Variants in ADD2 observed in about 807,000 individuals in gnomAD.
ADD2 encodes the protein beta-adducin.
In ADD2, 23 loss-of-function variants were observed where a neutral mutation model predicts 83.0. The ratio of observed to expected loss-of-function variants is 0.28; its 90% CI spans 0.20 to 0.39. The LOEUF is 0.39. ADD2 is among the 10% of genes least tolerant of loss of function. ADD2 has a pLI of 1.00. For missense variants in ADD2, 758 were observed against 944.9 expected, an observed-to-expected ratio of 0.80 and a Z score of 2.59; for synonymous variants, 375 against 375.4, an observed-to-expected ratio of 1.00 and a Z score of 0.01.
At chr2:70,678,022 T>G in intron 11 of ADD2, 145 bp from the exon 12 acceptor site, 1 of 1,093,194 alleles carries the variant, frequency 9.1e-7, no homozygotes, top group South Asian at 1.6e-5. Context: ...CTTAGGCCTC[T>G]TTGATGTCTG....
Position 70,676,799 on chromosome 2 carries a change from G to T in ADD2, c.1590C>A (p.Ser530Arg). ...LASVIAEKSRSPSTESQLMSK... is the reference protein window; with the variant it reads ...LASVIAEKSRRPSTESQLMSK... ...TCAGGGGCAGCCTCTGCTCTACCGG[G>T]CTTCGGCTCTTCTCGGCAATGACGC... is the stretch of plus-strand genomic sequence containing the variant. Residue 530 changes from serine (S) to arginine (R), a missense_variant, in exon 13 of 16, where the codon AGC becomes AGA. Physicochemically the swap from Ser to Arg is moderately radical, Grantham distance 110. Around this residue, in one of 5 missense-constraint regions of ADD2, gnomAD observed 394 missense variants for 509.3 expected, o/e 0.77. Transcript: ENST00000264436. This position sits in a 1 kb window ranked among gnomAD's most constrained non-coding sequence, Gnocchi z 4.8. 6.2e-7 allele frequency: 1 copy of T among 1,614,202 alleles called. No individual in the cohort carries two copies. The highest frequency in any genetic ancestry group is 8.5e-7 in the Non-Finnish European group (1 of 1,180,018).
intron 1 of ADD2, among the ~76,000 whole-genome samples, chr2:70,737,777 T>C (rs1673658992): frequency 6.6e-6 from 1 of 152,204 alleles, no homozygotes; most frequent in Admixed American, 6.5e-5. Context: ...AACATTCAAT[T>C]CATCCAAGTC....
At chr2:70,670,495 G>A (rs78331196) in intron 15 of ADD2, among the ~76,000 whole-genome samples, 12,704 of 152,232 alleles carry the variant, frequency 0.083, 560 homozygotes, top group Middle Eastern at 0.12. Flanking sequence ...GCTGGGACAA[G>A]GGTCTGACAG....
chr2:70,765,041 TC>T (rs1553385725), intron 1 of ADD2, among the ~76,000 whole-genome samples: 3 of 151,900 alleles, frequency 2.0e-5, no homozygotes, highest in Non-Finnish European at 4.4e-5. Context: ...AGGAAAAAGT[TC>T]CTTTCTGGTC....
chr2:70,765,811 C>T (rs1675353112), intron 1 of ADD2, among the ~76,000 whole-genome samples: 1 of 152,194 alleles, frequency 6.6e-6, no homozygotes, highest in Admixed American at 6.5e-5. Context: ...TTTATGACTC[C>T]ACCCTTAGTG....
At position 70,658,236 on chromosome 2, in the gene ADD2, C is replaced by T. The variant is rs1424689532; in HGVS notation, c.*5189G>A. On this transcript the variant is annotated 3_prime_UTR_variant, in exon 16 of 16. Transcript: ENST00000264436. Reference sequence around the variant, plus strand: ...CCCACTGAAGTCCCCACACTGCTTCCCGGTGAGCGTGGCTGCTCATTGTGA... The same window carrying T: ...CCCACTGAAGTCCCCACACTGCTTCTCGGTGAGCGTGGCTGCTCATTGTGA... 6.6e-6 allele frequency: 1 copy of T among 152,154 alleles called. No homozygotes were observed. Among genetic ancestry groups the T allele is most frequent in the Non-Finnish European group, 1.5e-5 (1 of 68,042 alleles). The allele number at this position is 152,154 out of a possible 1,614,324, so 9.4% of individuals were successfully genotyped here.
At chr2:70,743,468 G>T (rs1674026158) in intron 1 of ADD2, among the ~76,000 whole-genome samples, 1 of 152,192 alleles carries the variant, frequency 6.6e-6, no homozygotes. Flanking sequence ...TCTCCAGGCT[G>T]CTTTGTATGT....
chr2:70,767,681 G>C (rs782092491), intron 1 of ADD2: 6 of 1,385,130 alleles, frequency 4.3e-6, no homozygotes, highest in Non-Finnish European at 5.6e-6. Context: ...GATTTCCTAA[G>C]AGCCTCGGAT....
Position 70,695,721 on chromosome 2 carries a change from C to T in ADD2, c.555G>A (p.Leu185=). 2 of 1,613,986 alleles carry T rather than the reference C, an allele frequency of 1.2e-6. No individual in the cohort carries two copies. The highest frequency in any genetic ancestry group is 1.7e-6 in the Non-Finnish European group (2 of 1,179,866). ...GGCAGTGATGCTGGACTGTACTCACCAGGCTGGACGCTGTGACTTCACTGC... is the reference window on the plus strand; with the variant it reads ...GGCAGTGATGCTGGACTGTACTCACTAGGCTGGACGCTGTGACTTCACTGC... The part of the protein sequence containing the change: ...VSCSEVTASS[L]IKVNILGEVV... Residue 185 remains leucine, a splice_region_variant and synonymous_variant, in exon 6 of 16, where the codon CTG becomes CTA. Transcript: ENST00000264436.
intron 1 of ADD2, among the ~76,000 whole-genome samples, chr2:70,742,013 C>G (rs905730632): frequency 6.6e-6 from 1 of 152,052 alleles, no homozygotes; most frequent in Non-Finnish European, 1.5e-5. Flanking sequence ...GTTCCAAGAA[C>G]CTGGAAGTTT....
chr2:70,694,823 G>A (rs1473131145), intron 6 of ADD2, among the ~76,000 whole-genome samples: 1 of 151,820 alleles, frequency 6.6e-6, no homozygotes, highest in African/African-American at 2.4e-5. Flanking sequence ...GGAACACTCG[G>A]TAACCCTGAG....
chr2:70,675,417 C>T (rs531467785), intron 13 of ADD2: 43 of 985,616 alleles, frequency 4.4e-5, no homozygotes, highest in African/African-American at 1.0e-4. Flanking sequence ...CTGCCTGTAC[C>T]GCAGGTCCCT....
intron 9 of ADD2, 95 bp from the exon 10 acceptor site, chr2:70,683,862 G>A (rs2104281919): frequency 7.2e-7 from 1 of 1,387,472 alleles, no homozygotes; most frequent in Admixed American, 2.7e-5. Context: ...GGGGAGTCCA[G>A]AGGAGAACTT....
At chr2:70,686,751 G>A (rs1167590697) in intron 9 of ADD2, among the ~76,000 whole-genome samples, 3 of 152,272 alleles carry the variant, frequency 2.0e-5, no homozygotes, top group South Asian at 2.1e-4. Context: ...GGCAGCAGCC[G>A]GAGGCGCTAC....
chr2:70,712,440 T>A (rs1672231255), intron 2 of ADD2, among the ~76,000 whole-genome samples: 1 of 130,342 alleles, frequency 7.7e-6, no homozygotes, highest in Non-Finnish European at 1.6e-5. Flanking sequence ...GGAGACCCTG[T>A]CTCAAAAAAA....
rs782443637 is a variant in ADD2 at position 70,678,699 on chromosome 2, C to T, written c.1383+5G>A. The T allele has an allele frequency of 2.6e-6, 4 of 1,552,958 alleles. No homozygotes were observed. Among genetic ancestry groups the T allele is most frequent in the East Asian group, 4.5e-5 (2 of 44,430 alleles). On this transcript the variant is annotated splice_donor_5th_base_variant and intron_variant, in intron 11 of 15. Transcript: ENST00000264436. Reference sequence around the variant, plus strand: ...TGCCCGGGTCTGTCCTGGGCTCCCCCTTACCGTGGTCTTGGGTCGGGGGCT... The same window carrying T: ...TGCCCGGGTCTGTCCTGGGCTCCCCTTTACCGTGGTCTTGGGTCGGGGGCT...
intron 1 of ADD2, among the ~76,000 whole-genome samples, chr2:70,763,142 G>A (rs1675204068): frequency 6.6e-6 from 1 of 151,994 alleles, no homozygotes; most frequent in South Asian, 2.1e-4. Context: ...AGACTCCACA[G>A]AGGATACACT....
intron 1 of ADD2, among the ~76,000 whole-genome samples, chr2:70,763,730 A>G (rs1378868883): frequency 6.6e-6 from 1 of 151,912 alleles, no homozygotes; most frequent in Non-Finnish European, 1.5e-5. Context: ...CCATGCAATC[A>G]ATGCCATATA....
intron 1 of ADD2, among the ~76,000 whole-genome samples, chr2:70,713,915 C>T (rs1013652125): frequency 2.0e-5 from 3 of 151,982 alleles, no homozygotes; most frequent in African/African-American, 7.3e-5. Flanking sequence ...GCAGAAGCAG[C>T]CTGAAGAATA....
Sources: gnomAD v4.1 joint callset for allele counts (sites outside exome capture counted in the v4.1 genomes callset) on GRCh38, gnomAD v4.1.1 for gene constraint, gnomAD v4.1.1 regional missense constraint, Gnocchi (gnomAD v3.1) non-coding constraint, MANE v1.5 for transcripts, NCBI Gene and HGNC (gene_info 2026-07-23, HGNC 2026-07-21) for gene names.